The following DLG2 variants were observed in gnomAD, a reference collection of about 807,000 sequenced individuals.
DLG2 encodes disks large homolog 2.
In DLG2, 45 loss-of-function variants were observed where a neutral mutation model predicts 132.5. The observed-to-expected ratio is 0.34, with a 90% CI of 0.27 to 0.44. DLG2 has a LOEUF of 0.44. Among genes scored for constraint, DLG2 ranks in the 20% least tolerant of loss-of-function variants. DLG2 has a pLI of 1.00. For missense variants in DLG2, 1,045 were observed against 1,196.9 expected (o/e 0.87, Z 1.87); for synonymous variants, 424 against 419.6 (o/e 1.01, Z -0.13).
intron 7 of DLG2, among the ~76,000 whole-genome samples, chr11:84,288,681 C>T (rs2097943497): frequency 6.6e-6 from 1 of 151,912 alleles, no homozygotes. Flanking sequence ...CAGAAAAACC[C>T]CTAAATGAAA....
chr11:83,948,645 T>C (rs545238925), intron 14 of DLG2, among the ~76,000 whole-genome samples: 2 of 151,076 alleles, frequency 1.3e-5, no homozygotes, highest in East Asian at 3.9e-4. Context: ...CTTGAGTTGG[T>C]CTGATTCTTG....
intron 4 of DLG2, among the ~76,000 whole-genome samples, chr11:85,283,632 A>C (rs1282210016): frequency 1.3e-5 from 2 of 151,898 alleles, no homozygotes; most frequent in Non-Finnish European, 2.9e-5. Flanking sequence ...AATCATGTAA[A>C]AAGTTGAATC....
chr11:85,597,637 T>C (rs1278074329), intron 3 of DLG2, among the ~76,000 whole-genome samples: 1 of 151,822 alleles, frequency 6.6e-6, no homozygotes, highest in African/African-American at 2.4e-5. Context: ...GAATAATTTT[T>C]AAAATTACAT....
intron 3 of DLG2, among the ~76,000 whole-genome samples, chr11:85,386,462 G>A (rs1426701958): frequency 6.6e-6 from 1 of 152,064 alleles, no homozygotes; most frequent in Admixed American, 6.6e-5. Context: ...GTGCTTTTCT[G>A]ATTTTTTTTC....
At chr11:83,901,055 G>A (rs2073276962) in intron 15 of DLG2, among the ~76,000 whole-genome samples, 1 of 152,164 alleles carries the variant, frequency 6.6e-6, no homozygotes, top group South Asian at 2.1e-4. Context: ...CTGCCTCACT[G>A]GATTTCAGAC....
At chr11:84,666,921 C>T (rs1049238271) in intron 6 of DLG2, among the ~76,000 whole-genome samples, 1 of 152,090 alleles carries the variant, frequency 6.6e-6, no homozygotes, top group African/African-American at 2.4e-5. Flanking sequence ...CTAAAATGCA[C>T]TACTGAATAT....
chr11:83,479,485 G>A (rs192610279), intron 22 of DLG2, among the ~76,000 whole-genome samples: 4 of 152,202 alleles, frequency 2.6e-5, no homozygotes, highest in East Asian at 1.9e-4. Flanking sequence ...GGTATTAGGC[G>A]TGCTTTTTGG....
chr11:85,416,428 G>GT (rs2089854986), intron 3 of DLG2, among the ~76,000 whole-genome samples: 1 of 151,924 alleles, frequency 6.6e-6, no homozygotes, highest in Non-Finnish European at 1.5e-5. Context: ...TATACAGACT[G>GT]TTTTTTGGTT....
chr11:84,995,634 T>C (rs376972769), intron 6 of DLG2, among the ~76,000 whole-genome samples: 13 of 152,236 alleles, frequency 8.5e-5, no homozygotes, highest in Admixed American at 2.0e-4. Flanking sequence ...TGAATTTGAA[T>C]TTTTAATTCT....
intron 6 of DLG2, among the ~76,000 whole-genome samples, chr11:84,836,434 G>T (rs977900403): frequency 2.6e-5 from 4 of 151,656 alleles, no homozygotes; most frequent in African/African-American, 9.7e-5. Flanking sequence ...ACTGGGTTCA[G>T]AAAAATTGAT....
At chr11:84,429,592 T>C (rs2098977796) in intron 7 of DLG2, among the ~76,000 whole-genome samples, 1 of 152,208 alleles carries the variant, frequency 6.6e-6, no homozygotes, top group South Asian at 2.1e-4. Context: ...TTTAATAAGA[T>C]ATTTGAGGAA....
At chr11:83,802,999 A>G (rs1383171942) in intron 17 of DLG2, among the ~76,000 whole-genome samples, 1 of 152,160 alleles carries the variant, frequency 6.6e-6, no homozygotes, top group Non-Finnish European at 1.5e-5. Flanking sequence ...CAATTTTAAA[A>G]GTCATACAAA....
intron 7 of DLG2, among the ~76,000 whole-genome samples, chr11:84,443,271 C>A (rs1005341010): frequency 3.3e-5 from 5 of 152,108 alleles, no homozygotes; most frequent in African/African-American, 1.2e-4. Flanking sequence ...AATATTTTGT[C>A]ATATTTGATT....
chr11:84,211,752 A>C (rs1340895628), intron 8 of DLG2, among the ~76,000 whole-genome samples: 1 of 152,184 alleles, frequency 6.6e-6, no homozygotes, highest in Non-Finnish European at 1.5e-5. Flanking sequence ...CCTATAGGAA[A>C]CTCAGTCTAT....
intron 6 of DLG2, among the ~76,000 whole-genome samples, chr11:84,928,562 G>C (rs930435051): frequency 6.6e-6 from 1 of 151,872 alleles, no homozygotes; most frequent in Non-Finnish European, 1.5e-5. Flanking sequence ...CATTCCTTTT[G>C]ACTGGCTTCT....
chr11:85,583,845 T>G (rs934022762), intron 3 of DLG2, among the ~76,000 whole-genome samples: 1 of 152,124 alleles, frequency 6.6e-6, no homozygotes, highest in Non-Finnish European at 1.5e-5. Context: ...CATGCCTCAG[T>G]GTATTGGGGT....
At chr11:85,258,146 T>TTA (rs2076761532) in intron 4 of DLG2, among the ~76,000 whole-genome samples, 1 of 152,216 alleles carries the variant, frequency 6.6e-6, no homozygotes, top group Admixed American at 6.5e-5. Context: ...ATTTGTGGCC[T>TTA]TATATTACTT....
intron 21 of DLG2, among the ~76,000 whole-genome samples, chr11:83,508,818 G>C (rs573325565): frequency 6.6e-6 from 1 of 152,316 alleles, no homozygotes; most frequent in South Asian, 2.1e-4. Flanking sequence ...TTCAAACTCA[G>C]CTGTCTCGGA....
At chr11:84,802,039 C>A (rs897547513) in intron 6 of DLG2, among the ~76,000 whole-genome samples, 20 of 151,520 alleles carry the variant, frequency 1.3e-4, no homozygotes, top group Admixed American at 5.3e-4. Flanking sequence ...TTAACTCTTT[C>A]CATAATTTAG....
Sources: allele counts gnomAD v4.1 joint callset (sites outside exome capture counted in the v4.1 genomes callset), GRCh38; gene constraint gnomAD v4.1.1; transcripts MANE v1.5; gene names NCBI Gene and HGNC (gene_info 2026-07-23, HGNC 2026-07-21).